PRKAA2: variants seen among roughly 807,000 people sequenced by gnomAD.
The protein encoded by PRKAA2 is protein kinase AMP-activated catalytic subunit alpha 2, also known as 5'-AMP-activated protein kinase catalytic subunit alpha-2.
PRKAA2 carries 40 observed loss-of-function variants against 56.3 expected under a neutral mutation model. The observed-to-expected ratio is 0.71, with a 90% CI of 0.55 to 0.92. The LOEUF (loss-of-function observed/expected upper bound fraction) is 0.92. PRKAA2 is among the 40% of genes least tolerant of loss of function. The pLI, the probability that PRKAA2 is intolerant of heterozygous loss-of-function variation, is 0.00. For missense variants in PRKAA2, 542 were observed against 686.9 expected, an observed-to-expected ratio of 0.79 and a Z score of 2.36; for synonymous variants, 214 against 234.2, an observed-to-expected ratio of 0.91 and a Z score of 0.79.
Position 56,674,371 on chromosome 1 carries a change from T to G in PRKAA2, c.95-10T>G. On this transcript the variant is annotated splice_polypyrimidine_tract_variant and intron_variant, in intron 1 of 8. Transcript: ENST00000371244. ...GATAGCACATTTTTTTTCCTTTTTC[T>G]TTTCTTTAGTTGGAGAACATCAATT... is the stretch of plus-strand genomic sequence containing the variant. 2 of 1,527,680 alleles carry G rather than the reference T, an allele frequency of 1.3e-6. No individual in the cohort carries two copies. Among genetic ancestry groups the G allele is most frequent in the South Asian group, 1.3e-5 (1 of 77,394 alleles). The allele number at this position is 1,527,680 out of a possible 1,614,324, so 94.6% of individuals were successfully genotyped here. A position where few individuals can be genotyped will look rare whatever the true frequency, so the allele number is the denominator to read the frequency against.
intron 2 of PRKAA2, 27 bp downstream of exon 2, chr1:56,674,549 CAA>C (rs1644099919): frequency 2.2e-6 from 3 of 1,372,646 alleles, no homozygotes; most frequent in Non-Finnish European, 2.9e-6. Flanking sequence ...CTAATAATAC[CAA>C]AGAGACACCT....
At chr1:56,699,801 C>T (rs758799888) in intron 6 of PRKAA2, among the ~76,000 whole-genome samples, 3 of 152,168 alleles carry the variant, frequency 2.0e-5, no homozygotes, top group South Asian at 4.1e-4. Context: ...AATCTACTTT[C>T]TGTGTTTGTG....
At chr1:56,675,012 A>G (rs963801548) in intron 2 of PRKAA2, among the ~76,000 whole-genome samples, 4 of 152,132 alleles carry the variant, frequency 2.6e-5, no homozygotes, top group African/African-American at 4.8e-5. Context: ...TACTATAACC[A>G]TAAAGCTTTT....
At position 56,708,163 on chromosome 1, in the gene PRKAA2, AG is replaced by A. The variant is rs1644345312; in HGVS notation, c.*451del. ...TTATTTTAACAAAAGAAGATTAAAA[AG>A]TAAAAGAACCACGAGTAAGATATTA... is the stretch of plus-strand genomic sequence containing the variant. On this transcript the variant is annotated 3_prime_UTR_variant, in exon 9 of 9. Coordinates refer to ENST00000371244, the MANE Select transcript of PRKAA2 (RefSeq NM_006252.4). 1.2e-5 allele frequency: 2 copies of A among 160,986 alleles called. No individual in the cohort carries two copies. Among genetic ancestry groups the A allele is most frequent in the Non-Finnish European group, 2.8e-5 (2 of 72,682 alleles). The allele number at this position is 160,986 out of a possible 1,614,324, so 10.0% of individuals were successfully genotyped here.
chr1:56,695,388 A>C (rs1041424717), intron 5 of PRKAA2, among the ~76,000 whole-genome samples: 3 of 151,672 alleles, frequency 2.0e-5, no homozygotes, highest in Non-Finnish European at 4.4e-5. Context: ...ACAGCGTTTC[A>C]CCATGTTGCC....
At position 56,650,401 on chromosome 1, in the gene PRKAA2, A is replaced by T. The variant is rs548476313; in HGVS notation, c.94+4920A>T. Among the ~76,000 whole-genome samples, 3 of 152,288 alleles carry T rather than the reference A, an allele frequency of 2.0e-5. No individual in the cohort carries two copies. In the South Asian group the frequency reaches 6.2e-4, roughly 32 times the overall value. On this transcript the variant is annotated intron_variant, in intron 1 of 8. Transcript: ENST00000371244. ...TTTTATCTATTTAAAATTTTTCTCT[A>T]TATTGACTGTTTAGGCTCTCACTCT... is the stretch of plus-strand genomic sequence containing the variant.
intron 1 of PRKAA2, among the ~76,000 whole-genome samples, chr1:56,660,474 A>G (rs2100389487): frequency 6.6e-6 from 1 of 152,210 alleles, no homozygotes; most frequent in Middle Eastern, 3.4e-3. Flanking sequence ...CTTACTCTCT[A>G]ACTGAACACA....
chr1:56,706,166 A>G lies in PRKAA2; in HGVS notation c.1368A>G (p.Gln456=), dbSNP rs200337549. Residue 456 remains glutamine (Q), a synonymous_variant, in exon 8 of 9, where the codon CAA becomes CAG. Coordinates refer to ENST00000371244, the MANE Select transcript of PRKAA2 (RefSeq NM_006252.4). ...VTGNYVKMSL[Q]LYLVDNRSYL... is the part of the protein sequence containing the mutation. ...GCAATTACGTGAAAATGAGCTTACA[A>G]CTTTACCTGGTTGATAACAGGAGCT... 7 of 1,613,946 alleles carry G rather than the reference A, an allele frequency of 4.3e-6. No individual in the cohort carries two copies. Among genetic ancestry groups the G allele is most frequent in the South Asian group, 1.1e-5 (1 of 91,060 alleles).
intron 2 of PRKAA2, among the ~76,000 whole-genome samples, chr1:56,678,819 C>T (rs1644132859): frequency 6.6e-6 from 1 of 151,964 alleles, no homozygotes; most frequent in Non-Finnish European, 1.5e-5. Flanking sequence ...CCTCAGCCTC[C>T]TGAGTAGCTG....
intron 1 of PRKAA2, among the ~76,000 whole-genome samples, chr1:56,674,073 T>C (rs1042644383): frequency 1.3e-5 from 2 of 152,214 alleles, no homozygotes; most frequent in Admixed American, 6.5e-5. Context: ...GTCCAAACAA[T>C]GTTCTAAAGT....
At chr1:56,698,141 T>C (rs1031506978) in intron 6 of PRKAA2, among the ~76,000 whole-genome samples, 1 of 149,814 alleles carries the variant, frequency 6.7e-6, no homozygotes, top group African/African-American at 2.5e-5. Context: ...GGTCTTGAAC[T>C]CCTGGCCTAA....
chr1:56,694,839 A>G (rs1028445929), intron 5 of PRKAA2, among the ~76,000 whole-genome samples: 1 of 152,162 alleles, frequency 6.6e-6, no homozygotes, highest in Non-Finnish European at 1.5e-5. Flanking sequence ...AGTTTGAACA[A>G]TACAGCAAAT....
At chr1:56,663,852 C>T (rs754350634) in intron 1 of PRKAA2, among the ~76,000 whole-genome samples, 4 of 152,132 alleles carry the variant, frequency 2.6e-5, no homozygotes, top group African/African-American at 9.7e-5. Flanking sequence ...ATAATCCCAG[C>T]ACTTTAAGAG....
intron 1 of PRKAA2, among the ~76,000 whole-genome samples, chr1:56,657,696 T>C (rs1557543565): frequency 6.6e-6 from 1 of 151,008 alleles, no homozygotes; most frequent in African/African-American, 2.4e-5. Context: ...AATAAATAAA[T>C]AAAACTCCAG....
At chr1:56,655,924 A>G (rs1312948167) in intron 1 of PRKAA2, among the ~76,000 whole-genome samples, 1 of 152,200 alleles carries the variant, frequency 6.6e-6, no homozygotes, top group African/African-American at 2.4e-5. Context: ...TTTCATACAC[A>G]ATGTTCAGCA....
At position 56,707,618 on chromosome 1, in the gene PRKAA2, G is replaced by A. The variant is rs1644340949; in HGVS notation, c.1564G>A (p.Gly522Arg). Residue 522 changes from glycine to arginine, a missense_variant, in exon 9 of 9, where the codon GGA (glycine) becomes AGA (arginine). Around this residue, in one of 5 missense-constraint regions of PRKAA2, gnomAD observed 158 missense variants for 166.1 expected, o/e 0.95. Transcript: ENST00000371244. ...LSGSLTGSLTGSTLSSVSPRL... is the reference protein window; with the variant it reads ...LSGSLTGSLTRSTLSSVSPRL... ...TGGCTCTCTCACTGGCTCTTTGACC[G>A]GAAGCACATTGTCTTCAGTTTCACC... 3.7e-6 allele frequency: 6 copies of A among 1,613,842 alleles called. No individual in the cohort carries two copies. Among genetic ancestry groups the A allele is most frequent in the South Asian group, 3.3e-5 (3 of 91,082 alleles).
At position 56,645,461 on chromosome 1, in the gene PRKAA2, G is replaced by A. The variant is rs867333017; in HGVS notation, c.74G>A (p.Gly25Asp). 1 of 1,499,468 alleles carries A rather than the reference G, an allele frequency of 6.7e-7. No individual in the cohort carries two copies. Among genetic ancestry groups the A allele is most frequent in the Non-Finnish European group, 8.9e-7 (1 of 1,117,466 alleles). 92.9% of individuals were successfully genotyped at this position (1,499,468 alleles called of 1,614,324 possible). The change falls in exon 1 of 9, where the codon GGC becomes GAC. Residue 25 changes from glycine (G) to aspartate (D), a missense_variant. Around this residue, in one of 5 missense-constraint regions of PRKAA2, gnomAD observed 59 missense variants for 53.9 expected, o/e 1.09. Transcript: ENST00000371244. ...GTGCTGGGCGACACGCTGGGCGTCG[G>A]CACCTTCGGCAAAGTGAAGAGTTGA... ...HYVLGDTLGV[G>D]TFGKVKIGEH... is the part of the protein sequence containing the mutation.
intron 1 of PRKAA2, among the ~76,000 whole-genome samples, chr1:56,670,626 A>G (rs917372422): frequency 6.6e-5 from 10 of 152,160 alleles, no homozygotes; most frequent in African/African-American, 2.2e-4. Flanking sequence ...TGTATGGGAG[A>G]AAGAAAGATG....
At chr1:56,697,436 T>C (rs1376079656) in intron 6 of PRKAA2, among the ~76,000 whole-genome samples, 1 of 152,168 alleles carries the variant, frequency 6.6e-6, no homozygotes, top group East Asian at 1.9e-4. Flanking sequence ...ATGATTCTTT[T>C]TGCATTTATG....
Sources: allele counts gnomAD v4.1 joint callset (sites outside exome capture counted in the v4.1 genomes callset), GRCh38; gene constraint gnomAD v4.1.1; regional missense constraint gnomAD v4.1.1; transcripts MANE v1.5; gene names NCBI Gene and HGNC (gene_info 2026-07-23, HGNC 2026-07-21).